EYS: variants seen among roughly 807,000 people sequenced by gnomAD.
EYS encodes protein eyes shut homolog.
EYS carries 250 observed loss-of-function variants against 282.1 expected under a neutral mutation model. The observed-to-expected ratio is 0.89, with a 90% CI of 0.80 to 0.98. The LOEUF (loss-of-function observed/expected upper bound fraction) is 0.98, where lower values mean the gene tolerates loss of function less well. Among genes scored for constraint, EYS ranks in the 50% least tolerant of loss-of-function variants. The pLI, the probability that EYS is intolerant of heterozygous loss-of-function variation, is 0.00. For synonymous variants in EYS, 1,355 were observed against 1,282.9 expected, an observed-to-expected ratio of 1.06 and a Z score of -1.20; for missense variants, 4,016 against 3,709.0, an observed-to-expected ratio of 1.08 and a Z score of -2.15.
At chr6:63,801,239 A>G (rs899297558) in intron 37 of EYS, among the ~76,000 whole-genome samples, 2 of 152,180 alleles carry the variant, frequency 1.3e-5, no homozygotes, top group African/African-American at 4.8e-5. Flanking sequence ...ATAGTGTGTG[A>G]CAGAGAAGCC....
intron 22 of EYS, among the ~76,000 whole-genome samples, chr6:64,659,486 T>C (rs1438015741): frequency 2.0e-5 from 3 of 151,714 alleles, no homozygotes; most frequent in African/African-American, 4.8e-5. Context: ...GATAGACCTT[T>C]AGCAAGACTA....
chr6:64,184,556 CAAA>C (rs11403969), intron 31 of EYS, among the ~76,000 whole-genome samples: 1 of 143,580 alleles, frequency 7.0e-6, no homozygotes, highest in Non-Finnish European at 1.5e-5. Context: ...CACCATTATG[CAAA>C]AAAAAAAAAT....
intron 31 of EYS, among the ~76,000 whole-genome samples, chr6:64,107,011 T>C (rs11969647): frequency 0.042 from 6,374 of 151,532 alleles, 391 homozygotes; most frequent in African/African-American, 0.14. Context: ...GTCTCTAATA[T>C]TCCTTTTTAT....
intron 35 of EYS, among the ~76,000 whole-genome samples, chr6:63,868,974 A>G (rs1409355459): frequency 1.3e-5 from 2 of 152,192 alleles, no homozygotes; most frequent in Non-Finnish European, 2.9e-5. Context: ...TTTCATTTAT[A>G]ACTTTTTAAA....
Position 65,296,540 on chromosome 6 carries a change from A to G in EYS, c.1767-421T>C, listed in dbSNP as rs144368937. Among the ~76,000 whole-genome samples, 17 of 151,842 alleles carry G rather than the reference A, an allele frequency of 1.1e-4. No individual in the cohort carries two copies. The East Asian group carries it at 2.7e-3, about 24-fold the overall frequency. ...TTTTGTCACAACTATATATATATAC[A>G]TATATATAAGATTATTCAAACTCAG... is the stretch of plus-strand genomic sequence containing the variant. On this transcript the variant is annotated intron_variant, in intron 11 of 42. Transcript: ENST00000503581.
At chr6:64,410,539 A>T (rs559993172) in intron 28 of EYS, among the ~76,000 whole-genome samples, 8 of 152,248 alleles carry the variant, frequency 5.3e-5, no homozygotes, top group African/African-American at 1.7e-4. Context: ...TTAAATGAAA[A>T]CTAAATATTT....
In EYS at chr6:64,455,266, T is replaced by C. The variant is rs750209953; in HGVS notation, c.5645-15914A>G. Among the ~76,000 whole-genome samples the C allele has an allele frequency of 7.9e-5, 12 of 152,210 alleles. No homozygotes were observed. In the East Asian group the frequency reaches 2.1e-3, roughly 27 times the overall value. Reference sequence around the variant, plus strand: ...CATCTGTGAATAATGAGACCCTTCTTTTGTTTCTAATTCTTAAAATAGTTT... The same window carrying C: ...CATCTGTGAATAATGAGACCCTTCTCTTGTTTCTAATTCTTAAAATAGTTT... On this transcript the variant is annotated intron_variant, in intron 26 of 42. Coordinates refer to ENST00000503581, the MANE Select transcript of EYS (RefSeq NM_001142800.2).
intron 12 of EYS, among the ~76,000 whole-genome samples, chr6:65,100,473 A>G (rs1244136117): frequency 1.3e-5 from 2 of 150,908 alleles, no homozygotes; most frequent in Admixed American, 1.3e-4. Flanking sequence ...ACATATTGCT[A>G]TAATTGAGTA....
At chr6:64,516,970 G>A (rs879593622) in intron 26 of EYS, among the ~76,000 whole-genome samples, 2 of 151,672 alleles carry the variant, frequency 1.3e-5, no homozygotes, top group Non-Finnish European at 2.9e-5. Context: ...TGATGGCAAA[G>A]TCATGCTTTG....
chr6:64,052,216 T>TA (rs1222587587), intron 33 of EYS, among the ~76,000 whole-genome samples: 1 of 152,118 alleles, frequency 6.6e-6, no homozygotes, highest in Non-Finnish European at 1.5e-5. Context: ...TCAAATGTAA[T>TA]AAAAAAATCA....
intron 12 of EYS, among the ~76,000 whole-genome samples, chr6:65,116,738 T>C (rs9453186): frequency 0.033 from 5,064 of 152,214 alleles, 218 homozygotes; most frequent in African/African-American, 0.1. Context: ...ATGGTTGCAT[T>C]TACTTCCAAG....
intron 1 of EYS, among the ~76,000 whole-genome samples, chr6:65,651,715 A>G (rs1450396549): frequency 6.6e-6 from 1 of 151,980 alleles, no homozygotes; most frequent in Non-Finnish European, 1.5e-5. Flanking sequence ...TTTCATGTTT[A>G]CTTTTGAAAC....
intron 2 of EYS, among the ~76,000 whole-genome samples, chr6:65,626,924 A>AC (rs1562296946): frequency 3.3e-5 from 5 of 152,038 alleles, no homozygotes; most frequent in African/African-American, 4.8e-5. Context: ...CACACACACA[A>AC]AAAACTGTCT....
chr6:65,519,706 A>ATTTTTTTTTT (rs1418670707), intron 2 of EYS, among the ~76,000 whole-genome samples: 2 of 36,598 alleles, frequency 5.5e-5, no homozygotes, highest in Non-Finnish European at 8.9e-5. Flanking sequence ...ATATATATAT[A>ATTTTTTTTTT]TATTTTTTTT....
At chr6:64,935,010 T>TA (rs1232658348) in intron 15 of EYS, among the ~76,000 whole-genome samples, 1 of 150,944 alleles carries the variant, frequency 6.6e-6, no homozygotes, top group Non-Finnish European at 1.5e-5. Context: ...AACAAGGGAG[T>TA]AAAAAAAGGG....
chr6:65,270,407 T>C (rs901032083), intron 12 of EYS, among the ~76,000 whole-genome samples: 2 of 152,150 alleles, frequency 1.3e-5, no homozygotes, highest in African/African-American at 4.8e-5. Flanking sequence ...CCCTCACAGT[T>C]TGGGGCAGCC....
chr6:65,640,030 C>T (rs1045383418), intron 1 of EYS, 138 bp from the exon 2 acceptor site: 1 of 152,184 alleles, frequency 6.6e-6, no homozygotes, highest in African/African-American at 2.4e-5. Context: ...TATAGTCCTA[C>T]ATTTATTGTC....
At chr6:63,945,336 G>A (rs1765364260) in intron 35 of EYS, among the ~76,000 whole-genome samples, 1 of 152,040 alleles carries the variant, frequency 6.6e-6, no homozygotes, top group African/African-American at 2.4e-5. Flanking sequence ...AGAATAGCAT[G>A]GGGGAAACTG....
At chr6:65,123,703 G>A (rs1775632376) in intron 12 of EYS, among the ~76,000 whole-genome samples, 1 of 151,550 alleles carries the variant, frequency 6.6e-6, no homozygotes. Context: ...TCCAATTGGT[G>A]GCTATTTCTT....
Sources: gnomAD v4.1 joint callset for allele counts (sites outside exome capture counted in the v4.1 genomes callset) on GRCh38, gnomAD v4.1.1 for gene constraint, MANE v1.5 for transcripts, NCBI Gene and HGNC (gene_info 2026-07-23, HGNC 2026-07-21) for gene names.